Variants in TRMT9B observed in about 807,000 individuals in gnomAD.
TRMT9B encodes the protein probable tRNA methyltransferase 9B.
TRMT9B carries 16 observed loss-of-function variants against 11.5 expected under a neutral mutation model. The ratio of observed to expected loss-of-function variants is 1.39; its 90% CI spans 0.94 to 2.11. TRMT9B has a LOEUF of 2.11. TRMT9B is among the 30% of genes most tolerant of loss of function. The pLI is 0.00. For missense variants in TRMT9B, 941 were observed against 553.8 expected, an observed-to-expected ratio of 1.70 and a Z score of -7.02; for synonymous variants, 274 against 192.4, an observed-to-expected ratio of 1.42 and a Z score of -3.51.
chr8:13,003,062 C>G (rs1261572670), intron 2 of TRMT9B, among the ~76,000 whole-genome samples: 1 of 152,096 alleles, frequency 6.6e-6, no homozygotes, highest in East Asian at 1.9e-4. Context: ...CTGCTGTGTC[C>G]TAAGTGCTGG....
At chr8:13,006,653 T>C in intron 3 of TRMT9B, 1 of 1,347,986 alleles carries the variant, frequency 7.4e-7, no homozygotes, top group South Asian at 2.3e-5. Flanking sequence ...AGTAAAAAAC[T>C]TTCTCAAACT....
intron 1 of TRMT9B, among the ~76,000 whole-genome samples, chr8:12,988,126 C>G (rs182533560): frequency 6.6e-6 from 1 of 152,000 alleles, no homozygotes; most frequent in Non-Finnish European, 1.5e-5. Context: ...TTTCATATGC[C>G]TGGAATCACC....
intron 1 of TRMT9B, among the ~76,000 whole-genome samples, chr8:12,962,866 C>G (rs529479003): frequency 6.6e-6 from 1 of 152,258 alleles, no homozygotes; most frequent in Non-Finnish European, 1.5e-5. Context: ...TACTAGAAAT[C>G]CTACCACTGG....
chr8:13,017,650 G>C (rs2460333), intron 4 of TRMT9B, among the ~76,000 whole-genome samples: 9,505 of 119,604 alleles, frequency 0.079, 406 homozygotes, highest in African/African-American at 0.14. Context: ...GTCTTACTCT[G>C]TCACCCAGGT....
At chr8:13,012,078 C>T in intron 3 of TRMT9B, 7 of 985,328 alleles carry the variant, frequency 7.1e-6, no homozygotes, top group Non-Finnish European at 8.4e-6. Flanking sequence ...ATCTTTCTTG[C>T]CTTGGACCAG....
At chr8:12,959,737 C>G (rs1039285534) in intron 1 of TRMT9B, among the ~76,000 whole-genome samples, 4 of 152,104 alleles carry the variant, frequency 2.6e-5, no homozygotes, top group African/African-American at 9.6e-5. Context: ...CTACTTTGCC[C>G]AGGCTGGTCT....
intron 2 of TRMT9B, among the ~76,000 whole-genome samples, chr8:13,001,370 T>C (rs1162861054): frequency 2.0e-5 from 3 of 152,228 alleles, no homozygotes; most frequent in Non-Finnish European, 4.4e-5. Flanking sequence ...AAGCAGGTTC[T>C]CTTGGATCGA....
chr8:12,997,461 T>C (rs1300984742), intron 2 of TRMT9B, among the ~76,000 whole-genome samples: 2 of 152,130 alleles, frequency 1.3e-5, no homozygotes, highest in African/African-American at 4.8e-5. Flanking sequence ...TGTAGAACCA[T>C]GAACCAAACA....
At chr8:12,972,585 A>G (rs962222055) in intron 1 of TRMT9B, among the ~76,000 whole-genome samples, 1 of 152,116 alleles carries the variant, frequency 6.6e-6, no homozygotes, top group South Asian at 2.1e-4. Context: ...CAGGCTCCCT[A>G]TGGTGTCCCC....
At position 13,022,108 on chromosome 8, in the gene TRMT9B, G is replaced by A; in HGVS notation, c.*64G>A. On this transcript the variant is annotated 3_prime_UTR_variant, in exon 5 of 5. Coordinates refer to ENST00000524591, the MANE Select transcript of TRMT9B (RefSeq NM_020844.3). ...CATTCTTTCCTCTTGGTTTGATATGGTTACCTGAATTTGCATTCAGTGTTA... is the reference window on the plus strand; with the variant it reads ...CATTCTTTCCTCTTGGTTTGATATGATTACCTGAATTTGCATTCAGTGTTA... The A allele has an allele frequency of 1.7e-6, 2 of 1,200,288 alleles. No individual in the cohort carries two copies. The highest frequency in any genetic ancestry group is 1.2e-6 in the Non-Finnish European group (1 of 862,318). 74.4% of individuals were successfully genotyped at this position (1,200,288 alleles called of 1,614,324 possible).
chr8:13,011,589 G>A (rs1811619911), intron 3 of TRMT9B: 2 of 942,820 alleles, frequency 2.1e-6, no homozygotes, highest in African/African-American at 1.8e-5. Context: ...GTATTAGACT[G>A]TAGAAGGCTT....
intron 1 of TRMT9B, among the ~76,000 whole-genome samples, chr8:12,949,317 C>G (rs899993024): frequency 6.6e-5 from 10 of 152,016 alleles, no homozygotes; most frequent in African/African-American, 2.4e-4. Flanking sequence ...GCAATAAACC[C>G]CCATGTGTAC....
At chr8:12,967,160 T>C (rs1802932828) in intron 1 of TRMT9B, among the ~76,000 whole-genome samples, 1 of 152,190 alleles carries the variant, frequency 6.6e-6, no homozygotes, top group African/African-American at 2.4e-5. Context: ...GGGTAAGTCA[T>C]CTCCTGAATT....
At chr8:13,010,044 A>T (rs1273081878) in intron 3 of TRMT9B, among the ~76,000 whole-genome samples, 4 of 151,814 alleles carry the variant, frequency 2.6e-5, no homozygotes, top group African/African-American at 9.7e-5. Context: ...AGGCTGAGGT[A>T]GGAGGACAGA....
chr8:12,994,745 G>C (rs1001775563), intron 2 of TRMT9B, among the ~76,000 whole-genome samples: 1 of 152,206 alleles, frequency 6.6e-6, no homozygotes, highest in Admixed American at 6.5e-5. Flanking sequence ...GCAGTGGCAC[G>C]ATCTCAGCTC....
intron 1 of TRMT9B, among the ~76,000 whole-genome samples, chr8:12,988,645 AACTC>A (rs1281516881): frequency 6.6e-6 from 1 of 152,170 alleles, no homozygotes; most frequent in Non-Finnish European, 1.5e-5. Flanking sequence ...ATCTCTTGAG[AACTC>A]ACTCACTATC....
rs543512174 is a variant in TRMT9B, at chr8:12,973,940, G to A, written c.-199-16894G>A. Among the ~76,000 whole-genome samples, 26 of 152,206 alleles carry A rather than the reference G, an allele frequency of 1.7e-4. No individual in the cohort carries two copies. In the South Asian group the frequency reaches 4.4e-3, roughly 25 times the overall value. On this transcript the variant is annotated intron_variant, in intron 1 of 4. Transcript: ENST00000524591. ...TTTGGGAGGCTGAGATGGGAGGATCGCTTAAGGCCAGGAGTTTCAGACCAG... is the reference window on the plus strand; with the variant it reads ...TTTGGGAGGCTGAGATGGGAGGATCACTTAAGGCCAGGAGTTTCAGACCAG...
intron 1 of TRMT9B, among the ~76,000 whole-genome samples, chr8:12,969,771 C>T (rs1014547267): frequency 6.6e-6 from 1 of 151,634 alleles, no homozygotes; most frequent in Admixed American, 6.6e-5. Context: ...GCCTGGGCTC[C>T]AGGAATCCTC....
intron 1 of TRMT9B, among the ~76,000 whole-genome samples, chr8:12,990,103 G>A (rs1402602984): frequency 6.6e-6 from 1 of 152,202 alleles, no homozygotes; most frequent in Non-Finnish European, 1.5e-5. Flanking sequence ...GGTGTAATAA[G>A]AAGTACAGTT....
Sources: allele counts gnomAD v4.1 joint callset (sites outside exome capture counted in the v4.1 genomes callset), GRCh38; gene constraint gnomAD v4.1.1; transcripts MANE v1.5; gene names NCBI Gene and HGNC (gene_info 2026-07-23, HGNC 2026-07-21).